KSR2: variants seen among roughly 807,000 people sequenced by gnomAD.
The protein encoded by KSR2 is kinase suppressor of ras 2.
Under a neutral mutation model 107.8 loss-of-function variants are expected in KSR2, and 25 were observed. The ratio of observed to expected loss-of-function variants is 0.23; its 90% confidence interval spans 0.17 to 0.32. The LOEUF (loss-of-function observed/expected upper bound fraction) is 0.32, where lower values mean the gene tolerates loss of function less well. Ranked by LOEUF, KSR2 falls within the 10% of genes least tolerant of loss-of-function variation. The pLI is 1.00. For missense variants in KSR2, 887 were observed against 1,268.9 expected, an observed-to-expected ratio of 0.70 and a Z score of 4.57; for synonymous variants, 480 against 507.0, an observed-to-expected ratio of 0.95 and a Z score of 0.71.
At chr12:117,624,587 A>G (rs1273228682) in intron 5 of KSR2, among the ~76,000 whole-genome samples, 1 of 152,186 alleles carries the variant, frequency 6.6e-6, no homozygotes, top group Non-Finnish European at 1.5e-5. Context: ...CTGTTTTGGT[A>G]CCAGTACCAT....
intron 1 of KSR2, among the ~76,000 whole-genome samples, chr12:117,956,493 C>T (rs1896523116): frequency 6.7e-6 from 1 of 149,506 alleles, no homozygotes; most frequent in African/African-American, 2.5e-5. Flanking sequence ...GCTTGAGCTC[C>T]GGAGGTCAAG....
intron 1 of KSR2, among the ~76,000 whole-genome samples, chr12:117,950,519 G>C (rs752841533): frequency 4.6e-5 from 7 of 151,876 alleles, no homozygotes; most frequent in Non-Finnish European, 1.0e-4. Context: ...TGGATCGCTT[G>C]AACCCAGGAG....
Position 117,461,052 on chromosome 12 carries a change from G to A in KSR2, c.*6147C>T, listed in dbSNP as rs1283526689. 1 of 152,368 alleles carries A rather than the reference G, an allele frequency of 6.6e-6. No individual in the cohort carries two copies. Among genetic ancestry groups the A allele is most frequent in the Non-Finnish European group, 1.5e-5 (1 of 68,202 alleles). The allele number at this position is 152,368 out of a possible 1,614,324, so 9.4% of individuals were successfully genotyped here. A position where few individuals can be genotyped will look rare whatever the true frequency, so the allele number is the denominator to read the frequency against. On this transcript the variant is annotated 3_prime_UTR_variant, in exon 20 of 20. Coordinates refer to ENST00000339824, the MANE Select transcript of KSR2 (RefSeq NM_173598.6). ...GTGCTTTGGGAGGCTGAAGCAGGGGGATTGCTTGAGACCAGGAGTTCAAGA... is the reference window on the plus strand; with the variant it reads ...GTGCTTTGGGAGGCTGAAGCAGGGGAATTGCTTGAGACCAGGAGTTCAAGA...
At position 117,949,047 on chromosome 12, in the gene KSR2, T is replaced by C. The variant is rs569970299; in HGVS notation, c.180+19029A>G. Among the ~76,000 whole-genome samples the C allele has an allele frequency of 1.4e-3, 213 of 152,186 alleles. 1 individual carries two copies. Among genetic ancestry groups the C allele is most frequent in the African/African-American group, 4.9e-3 (205 of 41,530 alleles). On this transcript the variant is annotated intron_variant, in intron 1 of 19. Coordinates refer to ENST00000339824, the MANE Select transcript of KSR2 (RefSeq NM_173598.6). ...AGACTGAGGTTGCAGCGAGCTGAGA[T>C]TGCACCACTGCACTCCAGCCTGGGA...
intron 1 of KSR2, among the ~76,000 whole-genome samples, chr12:117,871,423 T>C (rs1057186253): frequency 5.3e-5 from 8 of 152,060 alleles, no homozygotes; most frequent in Admixed American, 5.2e-4. Flanking sequence ...ACCCCGTCAC[T>C]ACTAAAACTA....
chr12:117,557,523 C>G (rs1877791457), intron 8 of KSR2, among the ~76,000 whole-genome samples: 1 of 152,134 alleles, frequency 6.6e-6, no homozygotes, highest in South Asian at 2.1e-4. Flanking sequence ...TAACAAGCTC[C>G]CAGGTGATCC....
chr12:117,950,623 C>G (rs1177008237), intron 1 of KSR2, among the ~76,000 whole-genome samples: 2 of 151,482 alleles, frequency 1.3e-5, no homozygotes, highest in Non-Finnish European at 2.9e-5. Flanking sequence ...CACCTGAAGT[C>G]CCAGCTACTT....
chr12:117,470,409 C>A (rs577910045), intron 18 of KSR2, among the ~76,000 whole-genome samples: 33 of 152,104 alleles, frequency 2.2e-4, no homozygotes, highest in Non-Finnish European at 4.6e-4. Context: ...ATCCATCCAT[C>A]CGTTTACCAT....
chr12:117,950,143 T>G (rs1896316502), intron 1 of KSR2, among the ~76,000 whole-genome samples: 1 of 151,916 alleles, frequency 6.6e-6, no homozygotes, highest in African/African-American at 2.4e-5. Flanking sequence ...CCGGCTAATT[T>G]TTTGTATTTT....
intron 5 of KSR2, among the ~76,000 whole-genome samples, chr12:117,624,147 T>C (rs957520056): frequency 6.6e-6 from 1 of 152,220 alleles, no homozygotes; most frequent in Non-Finnish European, 1.5e-5. Context: ...ATGGGTAGAT[T>C]GCAAAAATTT....
chr12:117,534,631 C>T (rs879712553), intron 10 of KSR2, among the ~76,000 whole-genome samples: 7 of 152,068 alleles, frequency 4.6e-5, no homozygotes, highest in Non-Finnish European at 7.4e-5. Flanking sequence ...CTGCCCCTGC[C>T]GCTACAACAT....
chr12:117,689,617 CT>C, intron 4 of KSR2, among the ~76,000 whole-genome samples: 1 of 152,068 alleles, frequency 6.6e-6, no homozygotes, highest in South Asian at 2.1e-4. Context: ...TGGATGACCC[CT>C]GGTCTACACA....
intron 5 of KSR2, among the ~76,000 whole-genome samples, chr12:117,632,671 C>T (rs1055915924): frequency 5.3e-5 from 8 of 152,070 alleles, no homozygotes; most frequent in East Asian, 1.9e-4. Flanking sequence ...AGCTGTTTTT[C>T]GATCCTCTCC....
At chr12:117,722,265 A>T (rs1050714478) in intron 4 of KSR2, among the ~76,000 whole-genome samples, 1 of 152,162 alleles carries the variant, frequency 6.6e-6, no homozygotes, top group African/African-American at 2.4e-5. Context: ...AGGTGGGGGA[A>T]CCCTAGATGA....
intron 14 of KSR2, among the ~76,000 whole-genome samples, chr12:117,499,934 G>A (rs1873280284): frequency 6.6e-6 from 1 of 152,208 alleles, no homozygotes; most frequent in South Asian, 2.1e-4. Context: ...GCCTGTGTAA[G>A]GCAGTCAGCC....
intron 1 of KSR2, among the ~76,000 whole-genome samples, chr12:117,924,572 C>CAAAAAAAAAA (rs58789868): frequency 7.6e-5 from 3 of 39,520 alleles, no homozygotes; most frequent in African/African-American, 2.8e-4. Flanking sequence ...AGCTCCATCT[C>CAAAAAAAAAA]AAAAAAAAAA....
intron 6 of KSR2, among the ~76,000 whole-genome samples, chr12:117,581,012 T>C (rs1879629764): frequency 3.3e-5 from 5 of 152,148 alleles, no homozygotes; most frequent in Admixed American, 3.3e-4. Flanking sequence ...AGGAGGAAAA[T>C]ACAAAAAAAG....
At chr12:117,742,667 A>G (rs951936280) in intron 4 of KSR2, among the ~76,000 whole-genome samples, 3 of 152,242 alleles carry the variant, frequency 2.0e-5, no homozygotes, top group African/African-American at 7.2e-5. Flanking sequence ...TAATGTTCTT[A>G]TAACTTTTTT....
intron 4 of KSR2, among the ~76,000 whole-genome samples, chr12:117,740,452 T>A (rs1413210698): frequency 1.1e-5 from 1 of 90,938 alleles, no homozygotes; most frequent in Admixed American, 1.4e-4. Flanking sequence ...TATATGTATA[T>A]AGTACATATA....
Sources: allele counts gnomAD v4.1 joint callset (sites outside exome capture counted in the v4.1 genomes callset), GRCh38; gene constraint gnomAD v4.1.1; transcripts MANE v1.5; gene names NCBI Gene and HGNC (gene_info 2026-07-23, HGNC 2026-07-21).